Variants in C2CD3 observed in about 807,000 individuals in gnomAD.
C2CD3 encodes the protein C2 domain-containing protein 3.
Under a neutral mutation model 234.0 loss-of-function variants are expected in C2CD3, and 148 were observed. That is an observed-to-expected ratio of 0.63 (90% confidence interval 0.55 to 0.72). The LOEUF (loss-of-function observed/expected upper bound fraction) is 0.72. Among genes scored for constraint, C2CD3 ranks in the 30% least tolerant of loss-of-function variants. The pLI is 0.00. For missense variants in C2CD3, 2,577 were observed against 2,811.5 expected (o/e 0.92, Z 1.89); for synonymous variants, 1,000 against 1,035.4 (o/e 0.97, Z 0.66).
intron 30 of C2CD3, chr11:74,036,419 T>C (rs1460717220): frequency 4.4e-6 from 2 of 455,808 alleles, no homozygotes; most frequent in East Asian, 1.4e-4. Flanking sequence ...ACTGAAAATA[T>C]CCAAGCAAGT....
rs754280061 is a variant in C2CD3 at position 74,129,849 on chromosome 11, G to C, written c.1217+2995C>G. 125 of 162,394 alleles carry C rather than the reference G, an allele frequency of 7.7e-4. 1 individual carries two copies. Among genetic ancestry groups the C allele is most frequent in the South Asian group, 1.3e-3 (11 of 8,460 alleles). 10.1% of individuals were successfully genotyped at this position (162,394 alleles called of 1,614,324 possible). A position where few individuals can be genotyped will look rare whatever the true frequency, so the allele number is the denominator to read the frequency against. Reference sequence around the variant, plus strand: ...GCACCTCGTGAGGCCGAGGCTGGCGGATCACTCGCGGTTAGGAGCTGCAGA... The same window carrying C: ...GCACCTCGTGAGGCCGAGGCTGGCGCATCACTCGCGGTTAGGAGCTGCAGA... On this transcript the variant is annotated intron_variant, in intron 7 of 32. Coordinates refer to ENST00000334126, the MANE Select transcript of C2CD3 (RefSeq NM_001286577.2).
At chr11:74,023,793 C>G (rs1313526895) in intron 32 of C2CD3, among the ~76,000 whole-genome samples, 1 of 152,190 alleles carries the variant, frequency 6.6e-6, no homozygotes, top group Non-Finnish European at 1.5e-5. Flanking sequence ...GCATGCCACT[C>G]CAGCCACTGT....
At position 74,033,599 on chromosome 11, in the gene C2CD3, G is replaced by A; in HGVS notation, c.6561C>T (p.Ser2187=). The change falls in exon 31 of 33, where the codon AGC becomes AGT. Residue 2187 remains serine (S), a synonymous_variant. Transcript: ENST00000334126. ...CPTLSGAQQS[S]TFVGWSSPQT... ...GTGGTGAGCTCCATCCAACAAACGT[G>A]CTGCTCTGTTGAGCTCCTGAGAGTG... The A allele has an allele frequency of 1.3e-6, 2 of 1,536,184 alleles. No individual in the cohort carries two copies. The highest frequency in any genetic ancestry group is 1.7e-6 in the Non-Finnish European group (2 of 1,146,920).
chr11:74,022,981 G>A (rs890847315), intron 32 of C2CD3, among the ~76,000 whole-genome samples: 1 of 152,194 alleles, frequency 6.6e-6, no homozygotes, highest in Non-Finnish European at 1.5e-5. Flanking sequence ...CAACCACCCT[G>A]TGAGGCCTGA....
chr11:74,046,950 C>T (rs1217812595), intron 28 of C2CD3, among the ~76,000 whole-genome samples: 2 of 152,132 alleles, frequency 1.3e-5, no homozygotes, highest in African/African-American at 2.4e-5. Context: ...ATATAAAGTC[C>T]ATATAAAAGT....
chr11:74,057,794 G>A (rs961038829), intron 24 of C2CD3, among the ~76,000 whole-genome samples: 1 of 151,948 alleles, frequency 6.6e-6, no homozygotes, highest in Non-Finnish European at 1.5e-5. Flanking sequence ...AATACAGTGA[G>A]ATCCCATGTA....
intron 22 of C2CD3, among the ~76,000 whole-genome samples, chr11:74,084,406 C>T (rs1955543197): frequency 6.8e-6 from 1 of 147,724 alleles, no homozygotes; most frequent in Non-Finnish European, 1.5e-5. Context: ...ATGTTGTGCA[C>T]ATGTACCCTA....
In C2CD3 at chr11:74,037,459, G is replaced by A; in HGVS notation, c.5881+19C>T. 5 of 1,590,354 alleles carry A rather than the reference G, an allele frequency of 3.1e-6. No homozygotes were observed. The highest frequency in any genetic ancestry group is 4.3e-6 in the Non-Finnish European group (5 of 1,158,862). Reference sequence around the variant, plus strand: ...CCTAGTGACCATAACATCTCAACAAGAAAGGATCTGAGTCATACCTGTGAT... The same window carrying A: ...CCTAGTGACCATAACATCTCAACAAAAAAGGATCTGAGTCATACCTGTGAT... On this transcript the variant is annotated intron_variant, in intron 30 of 32. Coordinates refer to ENST00000334126, the MANE Select transcript of C2CD3 (RefSeq NM_001286577.2).
chr11:74,135,673 C>T (rs952036790), intron 5 of C2CD3, among the ~76,000 whole-genome samples: 8 of 152,014 alleles, frequency 5.3e-5, no homozygotes, highest in Admixed American at 3.9e-4. Context: ...CAGCTTTGTA[C>T]CCTCTATTCT....
At chr11:74,095,686 A>G (rs1248460315) in intron 16 of C2CD3, among the ~76,000 whole-genome samples, 1 of 152,238 alleles carries the variant, frequency 6.6e-6, no homozygotes, top group Non-Finnish European at 1.5e-5. Context: ...AAATGCTGAA[A>G]AGGCATTTGA....
rs780888309 is a variant in C2CD3 at position 74,113,877 on chromosome 11, T to A, written c.1746A>T (p.Glu582Asp). 3.2e-6 allele frequency: 5 copies of A among 1,587,232 alleles called. No individual in the cohort carries two copies. In the South Asian group the frequency reaches 4.7e-5, roughly 15 times the overall value. ...TTAKKRTFFV[E>D]YHFPVGFSES... ...CCGAAAAGCCCACAGGAAAGTGATA[T>A]TCTACAAAGAAAGTGCTAAAAAGAA... Residue 582 changes from glutamate (E) to aspartate (D), a missense_variant, in exon 11 of 33, where the codon GAA (glutamate) becomes GAT (aspartate). By Grantham distance (45) the Glu-to-Asp change is conservative. Coordinates refer to ENST00000334126, the MANE Select transcript of C2CD3 (RefSeq NM_001286577.2).
chr11:74,160,082 T>C (rs1302618460), intron 3 of C2CD3, among the ~76,000 whole-genome samples: 2 of 152,192 alleles, frequency 1.3e-5, no homozygotes, highest in African/African-American at 2.4e-5. Flanking sequence ...TAACATGCTA[T>C]ATAGGTTTGT....
intron 32 of C2CD3, 119 bp downstream of exon 32, chr11:74,028,168 A>C (rs534247751): frequency 1.2e-3 from 822 of 703,028 alleles, no homozygotes; most frequent in Non-Finnish European, 1.7e-3. Flanking sequence ...AAACTTGAGG[A>C]GTGACCCCTG....
chr11:74,042,123 G>T lies in C2CD3; in HGVS notation c.5591C>A (p.Pro1864His). 1 of 1,613,948 alleles carries T rather than the reference G, an allele frequency of 6.2e-7. No individual in the cohort carries two copies. The highest frequency in any genetic ancestry group is 8.5e-7 in the Non-Finnish European group (1 of 1,179,980). Residue 1864 changes from proline (P) to histidine (H), a missense_variant, in exon 29 of 33, where the codon CCC becomes CAC. Transcript: ENST00000334126. ...GGTCAGTTTGTCATCACATGGCAAGGGTGCCTCTCCCTGAAGATGCAGGGA... is the reference window on the plus strand; with the variant it reads ...GGTCAGTTTGTCATCACATGGCAAGTGTGCCTCTCCCTGAAGATGCAGGGA... ...HESLHLQGEAPLPCDDKLTTS... is the reference protein window; with the variant it reads ...HESLHLQGEAHLPCDDKLTTS...
At chr11:74,061,876 C>T (rs1352152555) in intron 24 of C2CD3, among the ~76,000 whole-genome samples, 2 of 152,016 alleles carry the variant, frequency 1.3e-5, no homozygotes, top group Non-Finnish European at 2.9e-5. Flanking sequence ...TTCAGGAGAC[C>T]CATCTCACGT....
chr11:74,037,739 A>G (rs1337112578), intron 29 of C2CD3, 41 bp from the exon 30 acceptor site: 1 of 1,460,430 alleles, frequency 6.8e-7, no homozygotes, highest in Admixed American at 1.9e-5. Context: ...GGGGTAATTC[A>G]TGGAGATTAT....
At position 74,130,042 on chromosome 11, in the gene C2CD3, C is replaced by T. The variant is rs146646190; in HGVS notation, c.1217+2802G>A. On this transcript the variant is annotated intron_variant, in intron 7 of 32. Transcript: ENST00000334126. ...GCAGCAGTACAGTCCAGCTTCAGCT[C>T]GGCATCAGAGGGAGACCGTGGAAAG... is the stretch of plus-strand genomic sequence containing the variant. 3.0e-4 allele frequency: 43 copies of T among 145,056 alleles called. No individual in the cohort carries two copies. In the South Asian group the frequency reaches 6.1e-3, roughly 20 times the overall value. The allele number at this position is 145,056 out of a possible 1,614,324, so 9.0% of individuals were successfully genotyped here.
intron 7 of C2CD3, among the ~76,000 whole-genome samples, chr11:74,124,651 A>G (rs1957343994): frequency 6.6e-6 from 1 of 152,162 alleles, no homozygotes; most frequent in Non-Finnish European, 1.5e-5. Context: ...CCATAATCCA[A>G]CTAACAACTT....
At chr11:74,123,761 G>A (rs1314803465) in intron 7 of C2CD3, among the ~76,000 whole-genome samples, 4 of 142,016 alleles carry the variant, frequency 2.8e-5, no homozygotes, top group Non-Finnish European at 4.6e-5. Flanking sequence ...TTTTTGAGGT[G>A]GAGTTTTGCT....
Sources: allele counts gnomAD v4.1 joint callset (sites outside exome capture counted in the v4.1 genomes callset), GRCh38; gene constraint gnomAD v4.1.1; transcripts MANE v1.5; gene names NCBI Gene and HGNC (gene_info 2026-07-23, HGNC 2026-07-21).